Variants in BCCIP observed in about 807,000 individuals in gnomAD.
BCCIP encodes the protein BRCA2 and CDKN1A interacting protein.
A neutral mutation model predicts 32.8 loss-of-function variants in BCCIP; 23 were observed. The ratio of observed to expected loss-of-function variants is 0.70; its 90% CI spans 0.51 to 0.99. The LOEUF (loss-of-function observed/expected upper bound fraction) is 0.99, where lower values mean the gene tolerates loss of function less well. Among genes scored for constraint, BCCIP ranks in the 50% least tolerant of loss-of-function variants. The probability of loss-of-function intolerance (pLI) is 0.00; values close to 1 mark genes in which losing one functional copy is unlikely to be tolerated. For missense variants in BCCIP, 378 were observed against 379.8 expected, an observed-to-expected ratio of 1.00 and a Z score of 0.04; for synonymous variants, 144 against 137.6, an observed-to-expected ratio of 1.05 and a Z score of -0.33.
chr10:125,836,414 C>T lies in BCCIP; in HGVS notation c.*140C>T. On this transcript the variant is annotated 3_prime_UTR_variant, in exon 7 of 7. Transcript: ENST00000278100. ...GGTTCTGTCCCATGTGTCTCTGACA[C>T]ATTTACAAAATACCAGTTTTTTAAA... 6.8e-7 allele frequency: 1 copy of T among 1,464,420 alleles called. No individual in the cohort carries two copies. The highest frequency in any genetic ancestry group is 1.4e-5 in the African/African-American group (1 of 69,822). The allele number at this position is 1,464,420 out of a possible 1,614,324, so 90.7% of individuals were successfully genotyped here. A position where few individuals can be genotyped will look rare whatever the true frequency, so the allele number is the denominator to read the frequency against.
At chr10:125,838,085 C>G, downstream of BCCIP, 1 of 930,004 alleles carries the variant, frequency 1.1e-6, no homozygotes, top group African/African-American at 1.7e-5. Flanking sequence ...GTACTGTCAA[C>G]GTAAATTAAG....
chr10:125,838,021 C>G (rs1854751469), downstream of BCCIP, among the ~76,000 whole-genome samples: 1 of 152,184 alleles, frequency 6.6e-6, no homozygotes, highest in Non-Finnish European at 1.5e-5. Flanking sequence ...ATGCTGTAAT[C>G]TAACAGGCAG....
At chr10:125,826,500 C>T (rs10159992) in intron 1 of BCCIP, 91 bp from the exon 2 acceptor site, 720,427 of 1,558,838 alleles carry the variant, frequency 0.46, 168,654 homozygotes, top group African/African-American at 0.55. Flanking sequence ...TTGTATTCTT[C>T]ACAGATGGCA....
chr10:125,836,467 T>G lies in BCCIP; in HGVS notation c.*193T>G, dbSNP rs964195018. ...TTTGGTCAAATTATGAGTGGTTGAT[T>G]TAAAAACTTTTCCAAGAAGAAGAAA... On this transcript the variant is annotated 3_prime_UTR_variant, in exon 7 of 7. Transcript: ENST00000278100. 4 of 1,397,478 alleles carry G rather than the reference T, an allele frequency of 2.9e-6. No individual in the cohort carries two copies. The Admixed American group carries it at 9.6e-5, about 33-fold the overall frequency. The allele number at this position is 1,397,478 out of a possible 1,614,324, so 86.6% of individuals were successfully genotyped here.
Position 125,842,758 on chromosome 10 carries a change from C to A in BCCIP, c.*1399C>A, listed in dbSNP as rs1854916622. On this transcript the variant is annotated 3_prime_UTR_variant, in exon 7 of 7. Coordinates refer to the BCCIP transcript ENST00000299130. The stretch of plus-strand genomic sequence containing the variant: ...GATCTCAGATGCTAGAAATAGTAGA[C>A]AAAGATGTTATTTCCCAGTGCAAAT... 3 of 904,010 alleles carry A rather than the reference C, an allele frequency of 3.3e-6. No homozygotes were observed. The South Asian group carries it at 1.5e-4, about 46-fold the overall frequency. The allele number at this position is 904,010 out of a possible 1,614,324, so 56.0% of individuals were successfully genotyped here.
At chr10:125,844,639 C>G (rs112079233), downstream of BCCIP, among the ~76,000 whole-genome samples, 2,685 of 152,278 alleles carry the variant, frequency 0.018, 82 homozygotes, top group African/African-American at 0.061. Context: ...CAGTGTGGCC[C>G]ATAAACTTGC....
chr10:125,835,003 C>G (rs185134580), intron 6 of BCCIP, among the ~76,000 whole-genome samples: 62 of 146,818 alleles, frequency 4.2e-4, no homozygotes, highest in East Asian at 1.9e-3. Flanking sequence ...CGTGGTGGCA[C>G]GTGCCTGTAG....
Position 125,852,275 on chromosome 10 carries a change from A to G in BCCIP, c.851-850A>G, listed in dbSNP as rs372388715. ...AATCTCAGCCTAATGCCTGGCTGACATGGGAGCATAAGGCTACCTGGTCTG... is the reference window on the plus strand; with the variant it reads ...AATCTCAGCCTAATGCCTGGCTGACGTGGGAGCATAAGGCTACCTGGTCTG... On this transcript the variant is annotated intron_variant, in intron 7 of 7. Coordinates refer to the BCCIP transcript ENST00000368759. The G allele has an allele frequency of 1.9e-6, 3 of 1,610,928 alleles. No individual in the cohort carries two copies. The highest frequency in any genetic ancestry group is 2.5e-6 in the Non-Finnish European group (3 of 1,177,926).
At chr10:125,836,659 C>G (rs1854694857), downstream of BCCIP, 1 of 1,602,462 alleles carries the variant, frequency 6.2e-7, no homozygotes, top group Non-Finnish European at 8.5e-7. Context: ...CCTTTGGGAC[C>G]CTGCTGCACC....
downstream of BCCIP, among the ~76,000 whole-genome samples, chr10:125,846,349 G>GA (rs560528993): frequency 8.6e-5 from 13 of 151,846 alleles, no homozygotes; most frequent in Admixed American, 3.9e-4. Context: ...GAAAAATCAG[G>GA]AAAAAAAATG....
chr10:125,844,977 T>C (rs1225846811), downstream of BCCIP, among the ~76,000 whole-genome samples: 1 of 152,244 alleles, frequency 6.6e-6, no homozygotes, highest in East Asian at 1.9e-4. Context: ...TGTGCCTGTT[T>C]TCTGTGGAAC....
chr10:125,838,030 A>G (rs1383848949), downstream of BCCIP, among the ~76,000 whole-genome samples: 7 of 152,200 alleles, frequency 4.6e-5, no homozygotes, highest in Admixed American at 4.6e-4. Context: ...TCTAACAGGC[A>G]GGGACATTTC....
At position 125,852,211 on chromosome 10, in the gene BCCIP, T is replaced by C. The variant is rs1944099820; in HGVS notation, c.851-914T>C. On this transcript the variant is annotated intron_variant, in intron 7 of 7. Transcript: ENST00000368759. Reference sequence around the variant, plus strand: ...CCATGCTTGTGTGCATTGCTGCGCATCATGTGAACTCAGGACAGAGAATGG... The same window carrying C: ...CCATGCTTGTGTGCATTGCTGCGCACCATGTGAACTCAGGACAGAGAATGG... 2.8e-5 allele frequency: 42 copies of C among 1,526,036 alleles called. No homozygotes were observed. In the South Asian group the frequency reaches 4.2e-4, roughly 15 times the overall value. The allele number at this position is 1,526,036 out of a possible 1,614,324, so 94.5% of individuals were successfully genotyped here.
chr10:125,841,587 C>G, exon 7 of BCCIP: 3 of 1,440,526 alleles, frequency 2.1e-6, no homozygotes, highest in South Asian at 1.5e-5. Flanking sequence ...CCTTTTCTAA[C>G]CTATTAAAAT....
At chr10:125,841,450 C>G, downstream of BCCIP, 9 of 1,541,452 alleles carry the variant, frequency 5.8e-6, no homozygotes, top group Non-Finnish European at 7.9e-6. Context: ...TCTAGTGACA[C>G]ATTTTCTTCA....
rs1189049922 is a variant in BCCIP, at chr10:125,833,741, G to C, written c.600-31G>C. 3.1e-6 allele frequency: 5 copies of C among 1,610,030 alleles called. No individual in the cohort carries two copies. The East Asian group carries it at 8.9e-5, about 29-fold the overall frequency. On this transcript the variant is annotated intron_variant, in intron 5 of 6. Transcript: ENST00000278100. ...TTGATGGATTTCACTTGACCCAGCA[G>C]GTAAACAAATGTTGTGTGTGTGCCT...
At chr10:125,834,840 A>G (rs1482179600) in intron 6 of BCCIP, among the ~76,000 whole-genome samples, 2 of 132,714 alleles carry the variant, frequency 1.5e-5, no homozygotes, top group Admixed American at 7.5e-5. Context: ...AAAAAACACA[A>G]AAACATCTTG....
intron 1 of BCCIP, among the ~76,000 whole-genome samples, chr10:125,824,199 T>A (rs1854289528): frequency 6.6e-6 from 1 of 152,204 alleles, no homozygotes; most frequent in South Asian, 2.1e-4. Flanking sequence ...TTCCCTTCCT[T>A]CTTCAGATCT....
chr10:125,836,678 G>T (rs767375243), downstream of BCCIP: 1 of 1,612,884 alleles, frequency 6.2e-7, no homozygotes, highest in Non-Finnish European at 8.5e-7. Context: ...CCTTGTGTTT[G>T]CTGGGGAGTC....
Sources: allele counts gnomAD v4.1 joint callset (sites outside exome capture counted in the v4.1 genomes callset), GRCh38; gene constraint gnomAD v4.1.1; transcripts MANE v1.5; gene names NCBI Gene and HGNC (gene_info 2026-07-23, HGNC 2026-07-21).